The following APLF variants were observed in gnomAD, a reference collection of about 807,000 sequenced individuals.
The protein encoded by APLF is aprataxin and PNK-like factor.
Under a neutral mutation model 55.6 loss-of-function variants are expected in APLF, and 61 were observed. The observed-to-expected ratio is 1.10, with a 90% confidence interval of 0.89 to 1.36. APLF has a LOEUF of 1.36. Ranked by LOEUF, APLF falls within the 40% of genes most tolerant of loss-of-function variation. The pLI is 0.00. For missense variants in APLF, 611 were observed against 602.5 expected, an observed-to-expected ratio of 1.01 and a Z score of -0.15; for synonymous variants, 207 against 214.8, an observed-to-expected ratio of 0.96 and a Z score of 0.32.
intron 5 of APLF, among the ~76,000 whole-genome samples, chr2:68,517,687 A>T (rs1363199993): frequency 6.9e-6 from 1 of 145,324 alleles, no homozygotes; most frequent in East Asian, 2.1e-4. Context: ...CTAATATGTT[A>T]TTAACATGTA....
In APLF at chr2:68,545,214, T is replaced by A; in HGVS notation, c.1188T>A (p.Phe396Leu). The stretch of plus-strand genomic sequence containing the variant: ...AGAATCCTGTTCATTTTCAACATTT[T>A]AGCCATCCTGGTGATAGTGATTATG... ...YRKNPVHFQH[F>L]SHPGDSDYGG... Residue 396 changes from phenylalanine (F) to leucine (L), a missense_variant, in exon 8 of 10, where the codon TTT becomes TTA. Transcript: ENST00000303795. 6.2e-7 allele frequency: 1 copy of A among 1,613,782 alleles called. No individual in the cohort carries two copies. The highest frequency in any genetic ancestry group is 8.5e-7 in the Non-Finnish European group (1 of 1,179,760).
intron 7 of APLF, among the ~76,000 whole-genome samples, chr2:68,543,605 TG>T (rs1670619219): frequency 6.6e-6 from 1 of 152,114 alleles, no homozygotes; most frequent in South Asian, 2.1e-4. Context: ...CCCAGGAAAA[TG>T]CATATAGATG....
chr2:68,561,626 G>A lies in APLF; in HGVS notation c.1287-5715G>A, dbSNP rs557842292. 2.4e-4 allele frequency among the ~76,000 whole-genome samples: 36 copies of A among 152,174 alleles called. 1 individual carries two copies. Among genetic ancestry groups the A allele is most frequent in the Middle Eastern group, 3.4e-3 (1 of 294 alleles). ...GTTTCCTGAGGAAGTAATGTGCGTT[G>A]TTAATGGCAGGAAATTCTGACATAT... On this transcript the variant is annotated intron_variant, in intron 8 of 9. Transcript: ENST00000303795.
chr2:68,520,708 C>G (rs13429417), intron 5 of APLF, among the ~76,000 whole-genome samples: 13 of 151,700 alleles, frequency 8.6e-5, no homozygotes, highest in Non-Finnish European at 1.3e-4. Flanking sequence ...TTTTGCTGGC[C>G]GTAGCCTTGT....
At chr2:68,491,184 C>A (rs1433138757) in intron 2 of APLF, among the ~76,000 whole-genome samples, 1 of 152,168 alleles carries the variant, frequency 6.6e-6, no homozygotes, top group Non-Finnish European at 1.5e-5. Flanking sequence ...GTCTCATCTT[C>A]ATTCTGCATT....
intron 8 of APLF, among the ~76,000 whole-genome samples, chr2:68,547,176 G>A (rs1293049219): frequency 2.0e-5 from 3 of 151,724 alleles, no homozygotes; most frequent in Middle Eastern, 3.4e-3. Context: ...TATAAAAGGC[G>A]TAGAAACCTC....
intron 6 of APLF, 148 bp downstream of exon 6, chr2:68,526,390 G>T (rs1193664533): frequency 1.1e-5 from 16 of 1,447,684 alleles, no homozygotes; most frequent in Non-Finnish European, 1.5e-5. Context: ...CAGACTTACT[G>T]AAACTAATCT....
chr2:68,519,124 A>T (rs1669809885), intron 5 of APLF, among the ~76,000 whole-genome samples: 1 of 135,144 alleles, frequency 7.4e-6, no homozygotes, highest in Non-Finnish European at 1.6e-5. Context: ...TATATAAAAC[A>T]TATAATTTGA....
intron 1 of APLF, among the ~76,000 whole-genome samples, chr2:68,488,214 T>A (rs1027750201): frequency 7.9e-5 from 12 of 152,122 alleles, no homozygotes; most frequent in Non-Finnish European, 1.8e-4. Flanking sequence ...ACAATGAGAT[T>A]TTGGTACCCA....
chr2:68,573,873 T>C (rs1172204015), intron 9 of APLF, among the ~76,000 whole-genome samples: 3 of 148,646 alleles, frequency 2.0e-5, no homozygotes, highest in Non-Finnish European at 4.4e-5. Flanking sequence ...GATATCTCAA[T>C]AAGACAGTTT....
chr2:68,570,762 G>T (rs1671437680), intron 9 of APLF, among the ~76,000 whole-genome samples: 1 of 152,174 alleles, frequency 6.6e-6, no homozygotes, highest in African/African-American at 2.4e-5. Context: ...ATATACGTGT[G>T]CATGTGTCTT....
chr2:68,469,008 G>GTGTGT (rs1342488978), intron 1 of APLF, among the ~76,000 whole-genome samples: 1 of 147,670 alleles, frequency 6.8e-6, no homozygotes, highest in Non-Finnish European at 1.5e-5. Context: ...GTGTGTGTGT[G>GTGTGT]TGTGTGTGTG....
At chr2:68,513,331 T>G in intron 4 of APLF, 104 bp downstream of exon 4, 1 of 1,356,426 alleles carries the variant, frequency 7.4e-7, no homozygotes, top group Admixed American at 2.6e-5. Context: ...ATTGCCAGCA[T>G]TTATCTACTT....
At chr2:68,470,205 A>G (rs1166263428) in intron 1 of APLF, among the ~76,000 whole-genome samples, 1 of 152,264 alleles carries the variant, frequency 6.6e-6, no homozygotes, top group Non-Finnish European at 1.5e-5. Context: ...CAGCCAATCC[A>G]AAAGATTACA....
At chr2:68,517,428 A>C (rs1022493905) in intron 5 of APLF, among the ~76,000 whole-genome samples, 11 of 132,342 alleles carry the variant, frequency 8.3e-5, no homozygotes, top group Non-Finnish European at 1.7e-4. Context: ...ACTATATATT[A>C]ATATATCTAT....
chr2:68,527,821 G>A lies in APLF; in HGVS notation c.804+1579G>A, dbSNP rs542962375. On this transcript the variant is annotated intron_variant, in intron 6 of 9. Coordinates refer to ENST00000303795, the MANE Select transcript of APLF (RefSeq NM_173545.3). ...GCGCTCCTCACTGCCCAGATGGTGCGGTGGCCAGGCAGAGGCGCTCCTCAC... is the reference window on the plus strand; with the variant it reads ...GCGCTCCTCACTGCCCAGATGGTGCAGTGGCCAGGCAGAGGCGCTCCTCAC... Among the ~76,000 whole-genome samples the A allele has an allele frequency of 1.7e-4, 25 of 148,020 alleles. No homozygotes were observed. In the East Asian group the frequency reaches 4.0e-3, roughly 24 times the overall value.
At chr2:68,567,592 A>G (rs1249003383) in intron 9 of APLF, among the ~76,000 whole-genome samples, 2 of 152,056 alleles carry the variant, frequency 1.3e-5, no homozygotes, top group Non-Finnish European at 2.9e-5. Context: ...ATTGTCCACA[A>G]TATATATTTG....
intron 5 of APLF, among the ~76,000 whole-genome samples, chr2:68,517,017 AATAATATATTAATAT>A (rs368439556): frequency 0.083 from 10,258 of 123,436 alleles, 493 homozygotes; most frequent in Middle Eastern, 0.11. Context: ...TATAATATAT[AATAATATATTAATAT>A]ATAATATATA....
intron 3 of APLF, among the ~76,000 whole-genome samples, chr2:68,506,653 A>G (rs1199851524): frequency 1.3e-5 from 2 of 152,060 alleles, no homozygotes; most frequent in Non-Finnish European, 2.9e-5. Context: ...AGCTTAATAC[A>G]TGGCAGAGGT....
Sources: gnomAD v4.1 joint callset for allele counts (sites outside exome capture counted in the v4.1 genomes callset) on GRCh38, gnomAD v4.1.1 for gene constraint, MANE v1.5 for transcripts, NCBI Gene and HGNC (gene_info 2026-07-23, HGNC 2026-07-21) for gene names.